The following SOX5 variants were observed in gnomAD, a reference collection of about 807,000 sequenced individuals.
SOX5 encodes SRY-box transcription factor 5.
In SOX5, 9 loss-of-function variants were observed where a neutral mutation model predicts 92.0. The observed-to-expected ratio is 0.10, with a 90% CI of 0.06 to 0.17. SOX5 has a LOEUF of 0.17. Among genes scored for constraint, SOX5 ranks in the 10% least tolerant of loss-of-function variants. SOX5 has a pLI of 1.00. For synonymous variants in SOX5, 344 were observed against 336.3 expected (o/e 1.02, Z -0.25); for missense variants, 642 against 944.5 (o/e 0.68, Z 4.20).
At chr12:24,225,055 A>C (rs1247795705) in intron 3 of SOX5, among the ~76,000 whole-genome samples, 1 of 152,232 alleles carries the variant, frequency 6.6e-6, no homozygotes, top group Non-Finnish European at 1.5e-5. Context: ...AAAAGAAATT[A>C]CTTAAGTGCT....
At chr12:24,422,633 C>T (rs1966110177) in intron 1 of SOX5, among the ~76,000 whole-genome samples, 1 of 152,142 alleles carries the variant, frequency 6.6e-6, no homozygotes. Flanking sequence ...AAATCCTTTC[C>T]ACAGAGATCT....
chr12:24,005,623 C>A (rs191693918), intron 4 of SOX5, among the ~76,000 whole-genome samples: 1 of 152,226 alleles, frequency 6.6e-6, no homozygotes, highest in African/African-American at 2.4e-5. Flanking sequence ...TCTGTCTCGT[C>A]CCCTTTAGTT....
chr12:24,195,922 T>C (rs1956969456), intron 4 of SOX5, among the ~76,000 whole-genome samples: 1 of 152,220 alleles, frequency 6.6e-6, no homozygotes, highest in Non-Finnish European at 1.5e-5. Context: ...TCTCATTCTG[T>C]TGCCCAGGCT....
intron 6 of SOX5, among the ~76,000 whole-genome samples, chr12:23,709,682 A>C (rs1012263135): frequency 6.6e-6 from 1 of 152,150 alleles, no homozygotes; most frequent in Non-Finnish European, 1.5e-5. Flanking sequence ...TTTTAATGTA[A>C]TGACAGTTCT....
At chr12:23,736,158 TA>T (rs200769598) in intron 5 of SOX5, among the ~76,000 whole-genome samples, 782 of 141,872 alleles carry the variant, frequency 5.5e-3, no homozygotes, top group East Asian at 0.011. Context: ...ACATTTTTAT[TA>T]AAAAAAAAAA....
At chr12:24,162,498 T>C (rs908535686) in intron 4 of SOX5, among the ~76,000 whole-genome samples, 5 of 152,280 alleles carry the variant, frequency 3.3e-5, no homozygotes, top group African/African-American at 1.2e-4. Flanking sequence ...TTAGTCTAAA[T>C]GCCATAGAGT....
At chr12:24,397,143 C>G (rs1284084815) in intron 1 of SOX5, among the ~76,000 whole-genome samples, 2 of 152,258 alleles carry the variant, frequency 1.3e-5, no homozygotes, top group Admixed American at 1.3e-4. Context: ...CTAGTAATAT[C>G]AGAAAAAGTC....
chr12:23,612,004 A>T (rs1256378947), intron 8 of SOX5, among the ~76,000 whole-genome samples: 2 of 152,000 alleles, frequency 1.3e-5, no homozygotes. Context: ...CTGATTCCTA[A>T]AGATAATTTG....
At chr12:24,550,272 T>C (rs1037304452) in intron 1 of SOX5, among the ~76,000 whole-genome samples, 4 of 152,168 alleles carry the variant, frequency 2.6e-5, no homozygotes, top group Non-Finnish European at 4.4e-5. Context: ...GGCGCCATGA[T>C]GGTATACCAG....
chr12:24,062,873 T>C (rs1940001693), intron 4 of SOX5, among the ~76,000 whole-genome samples: 1 of 152,212 alleles, frequency 6.6e-6, no homozygotes, highest in South Asian at 2.1e-4. Context: ...TGGTTAACAC[T>C]GCTACTATTG....
chr12:23,573,057 G>A (rs1948607773), intron 10 of SOX5, among the ~76,000 whole-genome samples: 1 of 151,982 alleles, frequency 6.6e-6, no homozygotes, highest in South Asian at 2.1e-4. Flanking sequence ...TCAGTCTCAG[G>A]AAGAAGAAAA....
In SOX5 at chr12:23,534,527, C is replaced by CAAGAA; in HGVS notation, c.1989-10_1989-6dup. 1.9e-6 allele frequency: 3 copies of CAAGAA among 1,604,310 alleles called. No homozygotes were observed. The highest frequency in any genetic ancestry group is 2.6e-6 in the Non-Finnish European group (3 of 1,174,956). On this transcript the variant is annotated splice_region_variant and splice_polypyrimidine_tract_variant and intron_variant, in intron 14 of 14. Coordinates refer to ENST00000451604, the MANE Select transcript of SOX5 (RefSeq NM_006940.6). ...ATGGGGATCTGTGCTTGTTGCCTGT[C>CAAGAA]AAGAAAGGAATTTCCAAAAAGACAT...
At chr12:23,914,856 A>G (rs147513608) in intron 1 of SOX5, among the ~76,000 whole-genome samples, 1 of 152,288 alleles carries the variant, frequency 6.6e-6, no homozygotes, top group Non-Finnish European at 1.5e-5. Flanking sequence ...CCCATCTAAT[A>G]GACGTTTAAT....
At chr12:23,714,561 C>T (rs2092337392) in intron 6 of SOX5, among the ~76,000 whole-genome samples, 2 of 152,040 alleles carry the variant, frequency 1.3e-5, no homozygotes, top group South Asian at 2.1e-4. Context: ...GCGGAGGTTG[C>T]GGTGAGCCGA....
chr12:24,212,176 C>A lies in SOX5; in HGVS notation c.-2+1167G>T, dbSNP rs533728887. On this transcript the variant is annotated intron_variant, in intron 4 of 4. Transcript: ENST00000446891. The stretch of plus-strand genomic sequence containing the variant: ...CATATGCATTGCATGAAGATATAGT[C>A]GAAATTTATCTTCCCTTTAAGCGGG... 3.3e-5 allele frequency among the ~76,000 whole-genome samples: 5 copies of A among 152,206 alleles called. No homozygotes were observed. The South Asian group carries it at 1.0e-3, about 32-fold the overall frequency.
Position 24,189,366 on chromosome 12 carries a change from T to C in SOX5, c.-2+23977A>G, listed in dbSNP as rs74068433. 9.5e-3 allele frequency among the ~76,000 whole-genome samples: 1,444 copies of C among 152,312 alleles called. 20 individuals carry two copies. Among genetic ancestry groups the C allele is most frequent in the African/African-American group, 0.03 (1,265 of 41,574 alleles). On this transcript the variant is annotated intron_variant, in intron 4 of 4. Transcript: ENST00000446891. The stretch of plus-strand genomic sequence containing the variant: ...TTCATTTTTAAATAAGAGGGCTCTT[T>C]CTCATATTCCAGTAAGAAGTGATAT...
chr12:23,939,451 G>A (rs571357080), intron 1 of SOX5, among the ~76,000 whole-genome samples: 3 of 150,474 alleles, frequency 2.0e-5, no homozygotes, highest in South Asian at 2.1e-4. Flanking sequence ...AATTAAAAGC[G>A]GCAGGAATCA....
At chr12:23,555,276 C>T (rs1182328784) in intron 11 of SOX5, among the ~76,000 whole-genome samples, 1 of 152,024 alleles carries the variant, frequency 6.6e-6, no homozygotes, top group Non-Finnish European at 1.5e-5. Context: ...ATCCTCGAAT[C>T]CCTAAACAAA....
chr12:23,644,318 A>G (rs2080537924), intron 7 of SOX5, among the ~76,000 whole-genome samples: 1 of 152,222 alleles, frequency 6.6e-6, no homozygotes, highest in African/African-American at 2.4e-5. Context: ...GATGACTGCA[A>G]TCCAGGCCAA....
Sources: allele counts gnomAD v4.1 joint callset (sites outside exome capture counted in the v4.1 genomes callset), GRCh38; gene constraint gnomAD v4.1.1; transcripts MANE v1.5; gene names NCBI Gene and HGNC (gene_info 2026-07-23, HGNC 2026-07-21).